The following RANBP9 variants were observed in gnomAD, a reference collection of about 807,000 sequenced individuals.
RANBP9 encodes the protein RAN binding protein 9, also known as ran-binding protein 9.
A neutral mutation model predicts 84.3 loss-of-function variants in RANBP9; 15 were observed. That is an observed-to-expected ratio of 0.18 (90% CI 0.12 to 0.27). The LOEUF is 0.27. RANBP9 is among the 10% of genes least tolerant of loss of function. The pLI, the probability that RANBP9 is intolerant of heterozygous loss-of-function variation, is 1.00. For missense variants in RANBP9, 809 were observed against 912.8 expected (o/e 0.89, Z 1.46); for synonymous variants, 392 against 349.6 (o/e 1.12, Z -1.35).
chr6:13,624,236 G>A lies in RANBP9; in HGVS notation c.2059+1417C>T, dbSNP rs115615675. On this transcript the variant is annotated intron_variant, in intron 13 of 13. Transcript: ENST00000011619. Reference sequence around the variant, plus strand: ...TTAACAAATTAATAAATTTTCTAAGGGCAAAGAAACAGACTGAGTCTTAAA... The same window carrying A: ...TTAACAAATTAATAAATTTTCTAAGAGCAAAGAAACAGACTGAGTCTTAAA... Among the ~76,000 whole-genome samples the A allele has an allele frequency of 6.1e-3, 929 of 152,130 alleles. 4 individuals carry two copies. Among genetic ancestry groups the A allele is most frequent in the African/African-American group, 0.021 (865 of 41,480 alleles).
chr6:13,657,517 C>G (rs570904851), intron 3 of RANBP9, among the ~76,000 whole-genome samples: 100 of 152,252 alleles, frequency 6.6e-4, no homozygotes, highest in African/African-American at 2.3e-3. Context: ...AGAGAACCCC[C>G]TACCAGAAAA....
At chr6:13,708,334 G>A (rs1161408307) in intron 1 of RANBP9, among the ~76,000 whole-genome samples, 1 of 152,106 alleles carries the variant, frequency 6.6e-6, no homozygotes, top group Non-Finnish European at 1.5e-5. Context: ...ATGGAGGCAG[G>A]GGGATCCCTT....
chr6:13,704,934 A>G (rs998848299), intron 1 of RANBP9, among the ~76,000 whole-genome samples: 8 of 152,092 alleles, frequency 5.3e-5, no homozygotes, highest in South Asian at 2.1e-4. Context: ...ACTCTCTATA[A>G]TATTTCCCTT....
intron 5 of RANBP9, among the ~76,000 whole-genome samples, chr6:13,648,536 C>T (rs1257559831): frequency 6.6e-6 from 1 of 152,146 alleles, no homozygotes; most frequent in Non-Finnish European, 1.5e-5. Context: ...TAGAAAAATA[C>T]TCCTGCCCAT....
intron 7 of RANBP9, among the ~76,000 whole-genome samples, chr6:13,641,832 C>G (rs148491049): frequency 1.3e-5 from 2 of 152,164 alleles, no homozygotes; most frequent in Admixed American, 6.5e-5. Flanking sequence ...TAACTACAAC[C>G]CAATGTAATC....
At chr6:13,629,199 C>T (rs1308845040) in intron 12 of RANBP9, among the ~76,000 whole-genome samples, 1 of 152,202 alleles carries the variant, frequency 6.6e-6, no homozygotes, top group Non-Finnish European at 1.5e-5. Flanking sequence ...CAGCCTCGAG[C>T]TTCTGGGCTC....
At chr6:13,685,970 T>A (rs573002086) in intron 2 of RANBP9, among the ~76,000 whole-genome samples, 10 of 150,582 alleles carry the variant, frequency 6.6e-5, no homozygotes, top group African/African-American at 2.4e-4. Context: ...AAAATATAAG[T>A]GTATATATAA....
Position 13,640,091 on chromosome 6 carries a change from T to C in RANBP9, c.1335-338A>G, listed in dbSNP as rs562641792. ...CATTTGCGCTTGGTAGCAAATCAAATTGTGCCTAAGGACATGATTTTATGT... is the reference window on the plus strand; with the variant it reads ...CATTTGCGCTTGGTAGCAAATCAAACTGTGCCTAAGGACATGATTTTATGT... On this transcript the variant is annotated intron_variant, in intron 8 of 13. Coordinates refer to ENST00000011619, the MANE Select transcript of RANBP9 (RefSeq NM_005493.3). 1.4e-3 allele frequency among the ~76,000 whole-genome samples: 215 copies of C among 152,214 alleles called. 3 individuals are homozygous for C. The highest frequency in any genetic ancestry group is 3.8e-4 in the Non-Finnish European group (26 of 68,036).
chr6:13,639,804 T>C, intron 8 of RANBP9, 51 bp from the exon 9 acceptor site: 1 of 1,413,784 alleles, frequency 7.1e-7, no homozygotes, highest in Non-Finnish European at 9.8e-7. Flanking sequence ...AATGGCCTTT[T>C]ATTTAATAGC....
At chr6:13,679,926 C>A (rs889530660) in intron 2 of RANBP9, among the ~76,000 whole-genome samples, 5 of 151,256 alleles carry the variant, frequency 3.3e-5, no homozygotes, top group Non-Finnish European at 5.9e-5. Context: ...ATAAATCGGT[C>A]AAAAAATAGT....
At chr6:13,703,676 A>G (rs1226394648) in intron 1 of RANBP9, among the ~76,000 whole-genome samples, 2 of 152,242 alleles carry the variant, frequency 1.3e-5, no homozygotes, top group Non-Finnish European at 2.9e-5. Flanking sequence ...TTGACATAGG[A>G]AGGAAAGGAT....
At chr6:13,645,063 T>C (rs892246337) in intron 5 of RANBP9, among the ~76,000 whole-genome samples, 14 of 152,226 alleles carry the variant, frequency 9.2e-5, no homozygotes, top group African/African-American at 3.1e-4. Context: ...ATATAGTAGT[T>C]ACAGAAATTC....
intron 2 of RANBP9, among the ~76,000 whole-genome samples, chr6:13,693,575 C>T (rs1433900840): frequency 2.0e-5 from 3 of 151,662 alleles, no homozygotes; most frequent in African/African-American, 2.4e-5. Context: ...GGTGAAACCC[C>T]GACTCTACTA....
chr6:13,693,861 T>G (rs565407338), intron 2 of RANBP9, among the ~76,000 whole-genome samples: 1 of 151,572 alleles, frequency 6.6e-6, no homozygotes, highest in Non-Finnish European at 1.5e-5. Flanking sequence ...TGGCCAACAT[T>G]GTGAAACCCT....
At chr6:13,623,847 A>T (rs1282803089) in intron 13 of RANBP9, among the ~76,000 whole-genome samples, 4 of 152,194 alleles carry the variant, frequency 2.6e-5, no homozygotes, top group Non-Finnish European at 5.9e-5. Context: ...AATATAGCAC[A>T]ATATGTAAGA....
chr6:13,623,101 A>G (rs373344420), intron 13 of RANBP9, among the ~76,000 whole-genome samples: 19 of 152,060 alleles, frequency 1.2e-4, no homozygotes, highest in African/African-American at 4.3e-4. Context: ...ATGCCAATAA[A>G]TTTTCAGGGT....
chr6:13,638,508 T>C (rs1764990172), intron 9 of RANBP9, among the ~76,000 whole-genome samples: 1 of 151,824 alleles, frequency 6.6e-6, no homozygotes, highest in South Asian at 2.1e-4. Context: ...ATTAAAGAGA[T>C]GGGCAAACAG....
chr6:13,706,305 C>T (rs1436409919), intron 1 of RANBP9, among the ~76,000 whole-genome samples: 1 of 152,130 alleles, frequency 6.6e-6, no homozygotes, highest in Non-Finnish European at 1.5e-5. Context: ...GATGGCGCCA[C>T]TGCACTCCAG....
At chr6:13,683,474 A>T in intron 2 of RANBP9, among the ~76,000 whole-genome samples, 1 of 152,292 alleles carries the variant, frequency 6.6e-6, no homozygotes, top group Non-Finnish European at 1.5e-5. Flanking sequence ...AATTAAATTT[A>T]TATTAAAGTG....
Sources: allele counts gnomAD v4.1 joint callset (sites outside exome capture counted in the v4.1 genomes callset), GRCh38; gene constraint gnomAD v4.1.1; transcripts MANE v1.5; gene names NCBI Gene and HGNC (gene_info 2026-07-23, HGNC 2026-07-21).